VRK2: variants seen among roughly 807,000 people sequenced by gnomAD.
VRK2 encodes the protein serine/threonine-protein kinase VRK2.
Under a neutral mutation model 57.6 loss-of-function variants are expected in VRK2, and 60 were observed. The ratio of observed to expected loss-of-function variants is 1.04; its 90% CI spans 0.85 to 1.29. The LOEUF is 1.29. VRK2 is among the 50% of genes most tolerant of loss of function. VRK2 has a pLI of 0.00. For synonymous variants in VRK2, 231 were observed against 199.2 expected, an observed-to-expected ratio of 1.16 and a Z score of -1.35; for missense variants, 705 against 588.1, an observed-to-expected ratio of 1.20 and a Z score of -2.06.
chr2:57,954,967 C>G (rs1671537644), intron 1 of VRK2, among the ~76,000 whole-genome samples: 1 of 152,006 alleles, frequency 6.6e-6, no homozygotes, highest in Admixed American at 6.6e-5. Flanking sequence ...TGATATTTTC[C>G]CCCAATTAAG....
intron 1 of VRK2, among the ~76,000 whole-genome samples, chr2:57,966,615 G>A (rs1368251378): frequency 6.6e-6 from 1 of 151,782 alleles, no homozygotes; most frequent in East Asian, 1.9e-4. Context: ...AATAATTACA[G>A]AAAGTATTAA....
chr2:57,956,288 G>A (rs1469402822), intron 1 of VRK2, among the ~76,000 whole-genome samples: 3 of 152,194 alleles, frequency 2.0e-5, no homozygotes, highest in Admixed American at 2.0e-4. Flanking sequence ...GGGAGGCTGA[G>A]GCAGGAGGAT....
At chr2:58,084,031 G>A in intron 2 of VRK2, 58 bp from the exon 3 acceptor site, 4 of 1,570,226 alleles carry the variant, frequency 2.5e-6, no homozygotes, top group South Asian at 2.3e-5. Context: ...GGATATGGTA[G>A]GTATTCAGTA....
chr2:58,091,087 G>T lies in VRK2; in HGVS notation c.543+1364G>T, dbSNP rs1030384484. On this transcript the variant is annotated intron_variant, in intron 7 of 12. Transcript: ENST00000340157. ...AGGAAGGATGAATGAGTGAAGCACA[G>T]TGGATTTTTAGGTCAGTGAAACTAT... Among the ~76,000 whole-genome samples the T allele has an allele frequency of 4.1e-4, 63 of 152,316 alleles. 1 individual carries two copies. The highest frequency in any genetic ancestry group is 1.4e-3 in the African/African-American group (60 of 41,564).
At chr2:58,154,797 T>A (rs1013572381) in intron 12 of VRK2, 8 of 717,566 alleles carry the variant, frequency 1.1e-5, no homozygotes, top group African/African-American at 3.5e-5. Flanking sequence ...CACTATTTTT[T>A]CTAATGTAAG....
chr2:58,135,257 G>A (rs2104562147), intron 10 of VRK2, 58 bp downstream of exon 10: 5 of 1,595,584 alleles, frequency 3.1e-6, no homozygotes, highest in Non-Finnish European at 4.3e-6. Context: ...CACATTTGTC[G>A]TTATCGTTTG....
chr2:58,061,197 G>A (rs1459701578), intron 2 of VRK2, among the ~76,000 whole-genome samples: 1 of 151,754 alleles, frequency 6.6e-6, no homozygotes, highest in Non-Finnish European at 1.5e-5. Context: ...AGGGTTAACA[G>A]TTAAGTTACA....
intron 7 of VRK2, among the ~76,000 whole-genome samples, chr2:58,120,523 A>G (rs978126002): frequency 9.2e-5 from 14 of 152,032 alleles, no homozygotes; most frequent in Admixed American, 7.9e-4. Context: ...TGTAAACCCT[A>G]TACTGCCCTT....
At position 58,116,769 on chromosome 2, in the gene VRK2, A is replaced by G. The variant is rs191702771; in HGVS notation, c.544-6332A>G. 3.1e-3 allele frequency among the ~76,000 whole-genome samples: 467 copies of G among 152,254 alleles called. 4 individuals are homozygous for G. The highest frequency in any genetic ancestry group is 0.011 in the African/African-American group (457 of 41,538). On this transcript the variant is annotated intron_variant, in intron 7 of 12. Transcript: ENST00000340157. ...CTGGGAGTGGCTGCCAGGTGAGTTGAACAGTCCGATTTCCCATGGGGTCCC... is the reference window on the plus strand; with the variant it reads ...CTGGGAGTGGCTGCCAGGTGAGTTGGACAGTCCGATTTCCCATGGGGTCCC...
chr2:57,940,009 T>C (rs1671041951), intron 1 of VRK2, among the ~76,000 whole-genome samples: 1 of 150,970 alleles, frequency 6.6e-6, no homozygotes, highest in African/African-American at 2.4e-5. Flanking sequence ...GTTCTCGAAA[T>C]AGAAATCTCA....
intron 7 of VRK2, among the ~76,000 whole-genome samples, chr2:58,120,295 A>G (rs919681741): frequency 6.8e-6 from 1 of 146,042 alleles, no homozygotes; most frequent in African/African-American, 2.6e-5. Flanking sequence ...AGTTTAAGCA[A>G]TTCTCCTGCC....
chr2:58,115,312 T>G (rs558291385), intron 7 of VRK2, among the ~76,000 whole-genome samples: 1 of 152,088 alleles, frequency 6.6e-6, no homozygotes, highest in African/African-American at 2.4e-5. Flanking sequence ...CAGATTGAAG[T>G]CCGGGCCAGA....
At chr2:58,117,786 G>A (rs1204486438) in intron 7 of VRK2, among the ~76,000 whole-genome samples, 1 of 152,158 alleles carries the variant, frequency 6.6e-6, no homozygotes, top group African/African-American at 2.4e-5. Context: ...TTAGATTTTA[G>A]GTCAGTGAAA....
At chr2:57,914,236 G>T (rs1670078102) in intron 1 of VRK2, among the ~76,000 whole-genome samples, 1 of 146,036 alleles carries the variant, frequency 6.8e-6, no homozygotes, top group Non-Finnish European at 1.5e-5. Context: ...ACTATTTGTG[G>T]CACTTAACCT....
At chr2:57,946,811 C>T (rs889056032) in intron 1 of VRK2, among the ~76,000 whole-genome samples, 2 of 152,014 alleles carry the variant, frequency 1.3e-5, no homozygotes, top group African/African-American at 4.8e-5. Flanking sequence ...GTCATGATAT[C>T]AAAGGCGAGA....
At chr2:57,983,930 C>G (rs1672512316) in intron 1 of VRK2, among the ~76,000 whole-genome samples, 1 of 151,912 alleles carries the variant, frequency 6.6e-6, no homozygotes, top group African/African-American at 2.4e-5. Context: ...GATATAACAG[C>G]TTTGAGGGAA....
At chr2:58,099,467 T>C (rs1673647332) in intron 7 of VRK2, among the ~76,000 whole-genome samples, 3 of 152,072 alleles carry the variant, frequency 2.0e-5, no homozygotes, top group African/African-American at 7.2e-5. Context: ...GCAGCATGTG[T>C]ATTTGTATTC....
chr2:58,004,327 T>C (rs1290752619), intron 1 of VRK2, among the ~76,000 whole-genome samples: 1 of 152,146 alleles, frequency 6.6e-6, no homozygotes, highest in East Asian at 1.9e-4. Context: ...TGATATGATT[T>C]GTATGACTTT....
Position 58,048,928 on chromosome 2 carries a change from A to G in VRK2, c.97A>G (p.Lys33Glu). The stretch of plus-strand genomic sequence containing the variant: ...GGAAGGCAATCAGTGGGTACTGGGC[A>G]AGAAGATTGGCTCTGGAGGATTTGG... ...DMEGNQWVLG[K>E]KIGSGGFGLI... Residue 33 changes from lysine to glutamate, a missense_variant, in exon 2 of 13, where the codon AAG becomes GAG. Physicochemically the swap from Lys to Glu is moderately conservative, Grantham distance 56 (BLOSUM62 1). Transcript: ENST00000340157. The G allele has an allele frequency of 6.2e-7, 1 of 1,613,914 alleles. No individual in the cohort carries two copies. The highest frequency in any genetic ancestry group is 8.5e-7 in the Non-Finnish European group (1 of 1,179,870).
Sources: gnomAD v4.1 joint callset for allele counts (sites outside exome capture counted in the v4.1 genomes callset) on GRCh38, gnomAD v4.1.1 for gene constraint, MANE v1.5 for transcripts, NCBI Gene and HGNC (gene_info 2026-07-23, HGNC 2026-07-21) for gene names.